Variants in OTUD7A observed in about 807,000 individuals in gnomAD.
OTUD7A encodes OTU domain-containing protein 7A.
OTUD7A carries 12 observed loss-of-function variants against 65.7 expected under a neutral mutation model. The ratio of observed to expected loss-of-function variants is 0.18; its 90% CI spans 0.12 to 0.30. The LOEUF (loss-of-function observed/expected upper bound fraction) is 0.30, where lower values mean the gene tolerates loss of function less well. Among genes scored for constraint, OTUD7A ranks in the 10% least tolerant of loss-of-function variants. The pLI is 1.00. For missense variants in OTUD7A, 1,148 were observed against 1,304.8 expected (o/e 0.88, Z 1.85); for synonymous variants, 641 against 586.3 (o/e 1.09, Z -1.35).
At chr15:31,577,266 A>G (rs969792069) in intron 3 of OTUD7A, among the ~76,000 whole-genome samples, 1 of 152,142 alleles carries the variant, frequency 6.6e-6, no homozygotes, top group Non-Finnish European at 1.5e-5. Flanking sequence ...GGTCTGAAAC[A>G]TTTGCGATGT....
intron 3 of OTUD7A, among the ~76,000 whole-genome samples, chr15:31,640,048 G>T (rs1891464752): frequency 6.6e-6 from 1 of 152,168 alleles, no homozygotes; most frequent in Admixed American, 6.5e-5. Flanking sequence ...TTTATGGATT[G>T]TTCATGGGGT....
rs1417556267 is a variant in OTUD7A at position 31,860,697 on chromosome 15, A to ATATATATATATATATATG, written c.-100+9809_-100+9810insCATATATATATATATATA. On this transcript the variant is annotated intron_variant, in intron 1 of 12. Transcript: ENST00000307050. Reference sequence around the variant, plus strand: ...TGTGTGTATATATATATATATATATATATGTATGTATATATATATATTTTT... The same window carrying ATATATATATATATATATG: ...TGTGTGTATATATATATATATATATATATATATATATATATATGTATGTATGTATATATATATATTTTT... Among the ~76,000 whole-genome samples, 60 of 129,744 alleles carry ATATATATATATATATATG rather than the reference A, an allele frequency of 4.6e-4. 2 individuals carry two copies. In the East Asian group the frequency reaches 8.9e-3, roughly 19 times the overall value. The allele number at this position is 129,744 out of a possible 152,430, so 85.1% of individuals were successfully genotyped here.
intron 3 of OTUD7A, among the ~76,000 whole-genome samples, chr15:31,623,903 G>C (rs1890877287): frequency 6.6e-6 from 1 of 152,162 alleles, no homozygotes; most frequent in African/African-American, 2.4e-5. Context: ...GGCCAACTTG[G>C]AACTGCCCCA....
chr15:31,567,565 G>A (rs1220239466), intron 4 of OTUD7A, among the ~76,000 whole-genome samples: 1 of 152,240 alleles, frequency 6.6e-6, no homozygotes, highest in East Asian at 1.9e-4. Context: ...AGCCTGAGGA[G>A]CAACTACTTG....
intron 4 of OTUD7A, among the ~76,000 whole-genome samples, chr15:31,566,194 A>AG (rs1491243251): frequency 6.5e-5 from 8 of 123,574 alleles, no homozygotes; most frequent in Admixed American, 6.0e-4. Context: ...CCATCTCAAA[A>AG]GAAAAAAAAA....
At chr15:31,581,762 G>A (rs1889379734) in intron 3 of OTUD7A, among the ~76,000 whole-genome samples, 1 of 152,246 alleles carries the variant, frequency 6.6e-6, no homozygotes, top group Admixed American at 6.5e-5. Context: ...CAGGCCTCCT[G>A]TGATGGGAGA....
In OTUD7A at chr15:31,479,313, A is replaced by G. The variant is rs967195363; in HGVS notation, c.*3981T>C. ...AGGGCTTGCTCAGCCACAGAAACAC[A>G]TTTCTTCTTATCTATTAGAAGCACT... On this transcript the variant is annotated 3_prime_UTR_variant, in exon 13 of 13. Transcript: ENST00000307050. 1.3e-5 allele frequency: 2 copies of G among 152,224 alleles called. No homozygotes were observed. Among genetic ancestry groups the G allele is most frequent in the African/African-American group, 4.8e-5 (2 of 41,444 alleles). 9.4% of individuals were successfully genotyped at this position (152,224 alleles called of 1,614,324 possible).
chr15:31,637,749 T>C (rs1315638336), intron 3 of OTUD7A, among the ~76,000 whole-genome samples: 1 of 152,206 alleles, frequency 6.6e-6, no homozygotes, highest in Non-Finnish European at 1.5e-5. Context: ...CCAACTCTCA[T>C]GGATGACTTT....
At chr15:31,663,284 A>ACACACAC (rs1453925947) in intron 1 of OTUD7A, among the ~76,000 whole-genome samples, 2 of 97,000 alleles carry the variant, frequency 2.1e-5, no homozygotes, top group African/African-American at 1.0e-4. Context: ...CACACACACA[A>ACACACAC]GTTTTTAAAA....
chr15:31,534,388 A>G (rs1405640835), intron 5 of OTUD7A, among the ~76,000 whole-genome samples: 2 of 152,184 alleles, frequency 1.3e-5, no homozygotes, highest in East Asian at 3.8e-4. Context: ...AAAACTAGGA[A>G]TAGGGGGATC....
In OTUD7A at chr15:31,503,702, G is replaced by A. The variant is rs777841526; in HGVS notation, c.1010C>T (p.Ser337Leu). ...VVVADTMLRD[S>L]GGEAFAPIPF... ...TTTGAGGAACTTACCTTCTCCACCT[G>A]AGTCTCTTAACATTGTATCTGCCAC... Residue 337 changes from serine to leucine, a missense_variant, in exon 9 of 13, where the codon TCA (serine) becomes TTA (leucine). By Grantham distance (145) the Ser-to-Leu change is moderately radical. Coordinates refer to ENST00000307050, the MANE Select transcript of OTUD7A (RefSeq NM_001382637.1). 6.2e-7 allele frequency: 1 copy of A among 1,614,162 alleles called. No individual in the cohort carries two copies. The highest frequency in any genetic ancestry group is 1.7e-5 in the Admixed American group (1 of 60,036).
chr15:31,736,844 A>C, intron 1 of OTUD7A, among the ~76,000 whole-genome samples: 1 of 150,966 alleles, frequency 6.6e-6, no homozygotes, highest in African/African-American at 2.4e-5. Context: ...GGGCGGGGGG[A>C]CGGAGTCTCG....
intron 3 of OTUD7A, among the ~76,000 whole-genome samples, chr15:31,581,694 C>T (rs1358768300): frequency 6.6e-6 from 1 of 152,218 alleles, no homozygotes; most frequent in Non-Finnish European, 1.5e-5. Context: ...TTTGAGACTG[C>T]ACAAAGCAGC....
At chr15:31,689,835 G>A (rs56252243) in intron 1 of OTUD7A, among the ~76,000 whole-genome samples, 51 of 152,258 alleles carry the variant, frequency 3.3e-4, no homozygotes, top group East Asian at 1.4e-3. Context: ...GCTTCTCAGC[G>A]GGGCTCAAAC....
intron 1 of OTUD7A, among the ~76,000 whole-genome samples, chr15:31,709,320 T>G (rs1012371798): frequency 7.9e-5 from 12 of 152,166 alleles, no homozygotes; most frequent in African/African-American, 2.9e-4. Flanking sequence ...AGGAACTCCA[T>G]GAGATGCAGA....
intron 1 of OTUD7A, among the ~76,000 whole-genome samples, chr15:31,721,066 C>T (rs527246053): frequency 6.6e-6 from 1 of 152,356 alleles, no homozygotes; most frequent in Non-Finnish European, 1.5e-5. Context: ...GTAGGCTATG[C>T]CATCTAGGTT....
intron 5 of OTUD7A, among the ~76,000 whole-genome samples, chr15:31,547,129 T>C (rs555909430): frequency 8.8e-6 from 1 of 114,036 alleles, no homozygotes; most frequent in East Asian, 3.3e-4. Flanking sequence ...TGAGATGACA[T>C]TTTGAAGGCA....
intron 1 of OTUD7A, among the ~76,000 whole-genome samples, chr15:31,863,343 A>AC (rs1897794537): frequency 6.6e-6 from 1 of 151,886 alleles, no homozygotes; most frequent in South Asian, 2.1e-4. Context: ...GGGGGCTCTG[A>AC]CCCCACATTT....
Position 31,503,769 on chromosome 15 carries a change from C to T in OTUD7A, c.943G>A (p.Val315Ile), listed in dbSNP as rs2041512199. 2 of 1,614,182 alleles carry T rather than the reference C, an allele frequency of 1.2e-6. No homozygotes were observed. Among genetic ancestry groups the T allele is most frequent in the Non-Finnish European group, 1.7e-6 (2 of 1,180,010 alleles). Reference protein sequence around the residue: ...PVYESLEEFHVFVLAHILRRP... With the variant: ...PVYESLEEFHIFVLAHILRRP... ...CTTAATATATGGGCTAGGACAAAAA[C>T]GTGGAACTCTTCCAGGCTCTCGTAC... Residue 315 changes from valine to isoleucine, a missense_variant, in exon 9 of 13, where the codon GTT becomes ATT. Around this residue, in one of 6 missense-constraint regions of OTUD7A, gnomAD observed 58 missense variants for 131.4 expected, o/e 0.44. Coordinates refer to ENST00000307050, the MANE Select transcript of OTUD7A (RefSeq NM_001382637.1).
Sources: gnomAD v4.1 joint callset for allele counts (sites outside exome capture counted in the v4.1 genomes callset) on GRCh38, gnomAD v4.1.1 for gene constraint, gnomAD v4.1.1 regional missense constraint, MANE v1.5 for transcripts, NCBI Gene and HGNC (gene_info 2026-07-23, HGNC 2026-07-21) for gene names.